The following PAPPA2 variants were observed in gnomAD, a reference collection of about 807,000 sequenced individuals.
The protein encoded by PAPPA2 is pappalysin-2.
A neutral mutation model predicts 176.4 loss-of-function variants in PAPPA2; 86 were observed. That is an observed-to-expected ratio of 0.49 (90% CI 0.41 to 0.58). PAPPA2 has a LOEUF of 0.58. PAPPA2 is among the 20% of genes least tolerant of loss of function. The pLI, the probability that PAPPA2 is intolerant of heterozygous loss-of-function variation, is 0.00. For missense variants in PAPPA2, 2,073 were observed against 2,256.9 expected (o/e 0.92, Z 1.65); for synonymous variants, 809 against 852.2 (o/e 0.95, Z 0.88).
At chr1:176,809,316 C>T (rs954278884) in intron 21 of PAPPA2, among the ~76,000 whole-genome samples, 1 of 152,114 alleles carries the variant, frequency 6.6e-6, no homozygotes, top group Non-Finnish European at 1.5e-5. Context: ...AAAGGTGGGG[C>T]CTTGGGACAA....
rs41266138 is a variant in PAPPA2, at chr1:176,739,649, G to A, written c.3822G>A (p.Glu1274=). The A allele has an allele frequency of 7.1e-3, 11,513 of 1,613,514 alleles. 54 individuals are homozygous for A. The highest frequency in any genetic ancestry group is 8.5e-3 in the Non-Finnish European group (10,024 of 1,179,588). ...AGGTGTGTTTCAATAGACCAGGAGAGGCCAGAGCAATTTTTATTTTTTTGA... is the reference window on the plus strand; with the variant it reads ...AGGTGTGTTTCAATAGACCAGGAGAAGCCAGAGCAATTTTTATTTTTTTGA... ...WLKVCFNRPG[E]ARAIFIFLTT... is the part of the protein sequence containing the mutation. The change falls in exon 13 of 23, where the codon GAG becomes GAA. Residue 1274 remains glutamate, a synonymous_variant. Coordinates refer to ENST00000367662, the MANE Select transcript of PAPPA2 (RefSeq NM_020318.3).
chr1:176,700,228 C>T (rs2102819731), intron 8 of PAPPA2, among the ~76,000 whole-genome samples: 1 of 152,320 alleles, frequency 6.6e-6, no homozygotes, highest in South Asian at 2.1e-4. Flanking sequence ...GGGGCACAGA[C>T]TAAGATGAGG....
intron 21 of PAPPA2, among the ~76,000 whole-genome samples, chr1:176,815,959 C>G (rs1296529456): frequency 6.6e-6 from 1 of 151,624 alleles, no homozygotes; most frequent in Non-Finnish European, 1.5e-5. Flanking sequence ...CCTTTGAGTT[C>G]TTTCCGTCCT....
At chr1:176,837,361 TGTGTGC>T (rs1487068553) in intron 21 of PAPPA2, among the ~76,000 whole-genome samples, 1 of 151,876 alleles carries the variant, frequency 6.6e-6, no homozygotes, top group Non-Finnish European at 1.5e-5. Context: ...GAGGGGTGTG[TGTGTGC>T]GTGTGTGTGT....
At chr1:176,729,301 G>A (rs1420510109) in intron 12 of PAPPA2, among the ~76,000 whole-genome samples, 2 of 151,946 alleles carry the variant, frequency 1.3e-5, no homozygotes, top group Non-Finnish European at 2.9e-5. Context: ...TAGACATTAC[G>A]TGATTCTAAT....
At chr1:176,467,629 G>A (rs1380548944) in intron 1 of PAPPA2, among the ~76,000 whole-genome samples, 1 of 152,164 alleles carries the variant, frequency 6.6e-6, no homozygotes, top group African/African-American at 2.4e-5. Context: ...GTGACTATAA[G>A]GTGATGGGTT....
At chr1:176,481,711 T>G (rs1046627085) in intron 1 of PAPPA2, among the ~76,000 whole-genome samples, 4 of 152,126 alleles carry the variant, frequency 2.6e-5, no homozygotes, top group African/African-American at 9.7e-5. Flanking sequence ...TTTGTTTTCT[T>G]TGTTTGTTTT....
At chr1:176,787,306 C>T (rs182624660) in intron 17 of PAPPA2, among the ~76,000 whole-genome samples, 3 of 151,876 alleles carry the variant, frequency 2.0e-5, no homozygotes, top group African/African-American at 7.3e-5. Context: ...ATGATCATAG[C>T]TCACTGCAGC....
intron 2 of PAPPA2, among the ~76,000 whole-genome samples, chr1:176,584,891 G>T (rs544142559): frequency 6.6e-6 from 1 of 151,984 alleles, no homozygotes; most frequent in African/African-American, 2.4e-5. Context: ...CCAGCAGCAC[G>T]CCTGGCTAAT....
chr1:176,577,503 A>G (rs1201658988), intron 2 of PAPPA2, among the ~76,000 whole-genome samples: 2 of 152,210 alleles, frequency 1.3e-5, no homozygotes, highest in Admixed American at 1.3e-4. Context: ...AAAAGCTTGG[A>G]GTCACAGACA....
chr1:176,759,129 G>C (rs6702357), intron 14 of PAPPA2, among the ~76,000 whole-genome samples: 89,413 of 152,138 alleles, frequency 0.59, 27,753 homozygotes, highest in East Asian at 0.92. Flanking sequence ...CTATACGCTA[G>C]ATAAAAGTTG....
At chr1:176,664,596 C>T (rs1658528070) in intron 3 of PAPPA2, among the ~76,000 whole-genome samples, 1 of 152,150 alleles carries the variant, frequency 6.6e-6, no homozygotes, top group South Asian at 2.1e-4. Context: ...TCCCAGCTTC[C>T]AGGGACTAGG....
At chr1:176,756,926 C>T (rs994267093) in intron 14 of PAPPA2, among the ~76,000 whole-genome samples, 3 of 152,126 alleles carry the variant, frequency 2.0e-5, no homozygotes, top group African/African-American at 7.2e-5. Flanking sequence ...TCTCATTGTT[C>T]GACTCCCACT....
At chr1:176,661,905 CAT>C (rs1658379837) in intron 3 of PAPPA2, among the ~76,000 whole-genome samples, 1 of 152,134 alleles carries the variant, frequency 6.6e-6, no homozygotes, top group Admixed American at 6.6e-5. Flanking sequence ...ATTATCTAAG[CAT>C]ATTTTTCACT....
At position 176,658,342 on chromosome 1, in the gene PAPPA2, C is replaced by T. The variant is rs895138585; in HGVS notation, c.1992-12628C>T. On this transcript the variant is annotated intron_variant, in intron 3 of 22. Coordinates refer to ENST00000367662, the MANE Select transcript of PAPPA2 (RefSeq NM_020318.3). ...TACATTACAGAATATCAGAAATAAA[C>T]AATCTGTTCCAGATACTATATATTT... 5.9e-5 allele frequency among the ~76,000 whole-genome samples: 9 copies of T among 151,958 alleles called. No individual in the cohort carries two copies. The East Asian group carries it at 1.7e-3, about 30-fold the overall frequency.
chr1:176,678,430 C>CT (rs148666043), intron 4 of PAPPA2, among the ~76,000 whole-genome samples: 51 of 144,028 alleles, frequency 3.5e-4, no homozygotes, highest in Admixed American at 5.6e-4. Context: ...TGGTCATTTA[C>CT]TTTTTTTTTT....
chr1:176,822,900 C>A (rs1666719217), intron 21 of PAPPA2, among the ~76,000 whole-genome samples: 1 of 152,148 alleles, frequency 6.6e-6, no homozygotes, highest in African/African-American at 2.4e-5. Context: ...ACCTTTTCTG[C>A]ACTCATCTCT....
intron 20 of PAPPA2, among the ~76,000 whole-genome samples, chr1:176,797,573 A>T (rs1253073405): frequency 1.3e-5 from 2 of 152,074 alleles, no homozygotes; most frequent in Admixed American, 1.3e-4. Flanking sequence ...CTTGAGCCCG[A>T]GAGATTGAGG....
chr1:176,754,033 T>C (rs1396914142), intron 14 of PAPPA2, among the ~76,000 whole-genome samples: 1 of 150,488 alleles, frequency 6.6e-6, no homozygotes, highest in Non-Finnish European at 1.5e-5. Context: ...TTTTTTTTTT[T>C]CTTTCAACTC....
Sources: gnomAD v4.1 joint callset for allele counts (sites outside exome capture counted in the v4.1 genomes callset) on GRCh38, gnomAD v4.1.1 for gene constraint, MANE v1.5 for transcripts, NCBI Gene and HGNC (gene_info 2026-07-23, HGNC 2026-07-21) for gene names.